The following LONP1 variants were observed in gnomAD, a reference collection of about 807,000 sequenced individuals.
LONP1 encodes lon peptidase 1, mitochondrial.
Under a neutral mutation model 98.5 loss-of-function variants are expected in LONP1, and 31 were observed. The observed-to-expected ratio is 0.31, with a 90% CI of 0.24 to 0.42. LONP1 has a LOEUF of 0.42. Ranked by LOEUF, LONP1 falls within the 20% of genes least tolerant of loss-of-function variation. The probability of loss-of-function intolerance (pLI) is 1.00; values close to 1 mark genes in which losing one functional copy is unlikely to be tolerated. For synonymous variants in LONP1, 781 were observed against 594.7 expected (o/e 1.31, Z -4.56); for missense variants, 1,336 against 1,350.6 (o/e 0.99, Z 0.17).
At chr19:5,713,035 G>A (rs1335533118) in intron 3 of LONP1, 99 bp downstream of exon 3, 38 of 1,542,962 alleles carry the variant, frequency 2.5e-5, no homozygotes, top group Admixed American at 3.4e-5. Flanking sequence ...CTGGGCTGAC[G>A]GACAGGGCAG....
chr19:5,707,049 C>T lies in LONP1; in HGVS notation c.1146+11G>A, dbSNP rs1194361832. ...CCCCCAAGAGTGGCTGCGCCTCAGCCGCGGGCTCACCTCCCGCCCCAGGCG... is the reference window on the plus strand; with the variant it reads ...CCCCCAAGAGTGGCTGCGCCTCAGCTGCGGGCTCACCTCCCGCCCCAGGCG... On this transcript the variant is annotated intron_variant, in intron 7 of 17. Coordinates refer to ENST00000360614, the MANE Select transcript of LONP1 (RefSeq NM_004793.4). 6.8e-6 allele frequency: 11 copies of T among 1,607,120 alleles called. No homozygotes were observed. Among genetic ancestry groups the T allele is most frequent in the African/African-American group, 2.7e-5 (2 of 74,896 alleles).
At chr19:5,718,619 G>A (rs1004553321) in intron 1 of LONP1, among the ~76,000 whole-genome samples, 2 of 151,858 alleles carry the variant, frequency 1.3e-5, no homozygotes, top group African/African-American at 2.4e-5. Context: ...GAGAGTGAGC[G>A]CAGAGGCTGA....
chr19:5,694,638 C>CGGGCGCGGGGTGGCGGGGTGAT, intron 14 of LONP1, 86 bp from the exon 15 acceptor site: 1 of 1,522,928 alleles, frequency 6.6e-7, no homozygotes, highest in Non-Finnish European at 9.0e-7. Flanking sequence ...AAAGGTGTGA[C>CGGGCGCGGGGTGGCGGGGTGAT]GGGCGCGGGG....
intron 11 of LONP1, 107 bp downstream of exon 11, chr19:5,696,563 G>A (rs1226013115): frequency 4.6e-6 from 6 of 1,317,030 alleles, no homozygotes; most frequent in Non-Finnish European, 6.3e-6. Context: ...CAGCATCACG[G>A]CGATGGCCCC....
chr19:5,701,864 G>A (rs1218486218), intron 8 of LONP1, among the ~76,000 whole-genome samples: 2 of 151,182 alleles, frequency 1.3e-5, no homozygotes, highest in African/African-American at 2.4e-5. Flanking sequence ...CTGCCCGGCC[G>A]CCCATCATCT....
rs768946125 is a variant in LONP1, at chr19:5,693,365, A to G, written c.2636T>C (p.Met879Thr). Reference protein sequence around the residue: ...MGRPVRQNLAMTGEVSLTGKI... With the variant: ...MGRPVRQNLATTGEVSLTGKI... ...GCCCGTGAGGGAGACTTCGCCAGTCATGGCCAGATTCTGCCGGACAGGCCT... is the reference window on the plus strand; with the variant it reads ...GCCCGTGAGGGAGACTTCGCCAGTCGTGGCCAGATTCTGCCGGACAGGCCT... Residue 879 changes from methionine (M) to threonine (T), a missense_variant, in exon 17 of 18, where the codon ATG (methionine) becomes ACG (threonine). Physicochemically the swap from Met to Thr is moderately conservative, Grantham distance 81. Coordinates refer to ENST00000360614, the MANE Select transcript of LONP1 (RefSeq NM_004793.4). 10 of 1,613,498 alleles carry G rather than the reference A, an allele frequency of 6.2e-6. No individual in the cohort carries two copies. The highest frequency in any genetic ancestry group is 5.0e-5 in the Admixed American group (3 of 60,022).
At chr19:5,694,323 G>A (rs909513664) in intron 15 of LONP1, 64 bp downstream of exon 15, 66 of 1,591,706 alleles carry the variant, frequency 4.1e-5, no homozygotes, top group Non-Finnish European at 5.1e-5. Context: ...TACAAGGTGG[G>A]ACCTGCTTGT....
Position 5,696,237 on chromosome 19 carries a change from C to T in LONP1, c.1896+12G>A, listed in dbSNP as rs191275320. ...CTCCCCAGCAAGCCCAGGCCCCAGA[C>T]AGGCCCCCCACCTTGGACAAGTCCA... is the stretch of plus-strand genomic sequence containing the variant. On this transcript the variant is annotated intron_variant, in intron 12 of 17. Transcript: ENST00000360614. 1.2e-6 allele frequency: 2 copies of T among 1,613,012 alleles called. No individual in the cohort carries two copies. The highest frequency in any genetic ancestry group is 1.7e-6 in the Non-Finnish European group (2 of 1,179,764).
chr19:5,709,983 G>C (rs563808990), intron 4 of LONP1, among the ~76,000 whole-genome samples: 1 of 148,526 alleles, frequency 6.7e-6, no homozygotes, highest in African/African-American at 2.5e-5. Flanking sequence ...AATCACATTT[G>C]TAAGTTTGGT....
chr19:5,718,043 A>T (rs80224679), intron 1 of LONP1, among the ~76,000 whole-genome samples: 4,213 of 152,054 alleles, frequency 0.028, 87 homozygotes, highest in African/African-American at 0.057. Flanking sequence ...CAACAACTCT[A>T]ATAAGACACT....
chr19:5,709,806 G>A (rs944567646), intron 4 of LONP1, among the ~76,000 whole-genome samples: 24 of 150,748 alleles, frequency 1.6e-4, no homozygotes, highest in African/African-American at 5.9e-4. Context: ...CAGCTACTGG[G>A]GAGGCTGAGG....
chr19:5,697,591 GGAGAGA>G (rs1332888572), intron 10 of LONP1, among the ~76,000 whole-genome samples: 2 of 133,916 alleles, frequency 1.5e-5, no homozygotes, highest in African/African-American at 6.0e-5. Context: ...AAGAAGAGAG[GGAGAGA>G]GAGGAGGGGG....
chr19:5,701,049 C>T, intron 8 of LONP1, 122 bp from the exon 9 acceptor site: 2 of 1,104,116 alleles, frequency 1.8e-6, no homozygotes, highest in African/African-American at 3.1e-5. Context: ...CGCGGTGGCT[C>T]ACGCCTGTAA....
intron 1 of LONP1, among the ~76,000 whole-genome samples, chr19:5,716,880 GC>G (rs1167798309): frequency 6.6e-6 from 1 of 152,052 alleles, no homozygotes; most frequent in Non-Finnish European, 1.5e-5. Context: ...TGCAAGCTCC[GC>G]CTCCTGGGTT....
At position 5,693,279 on chromosome 19, in the gene LONP1, T is replaced by A; in HGVS notation, c.2703+19A>T. 1 of 1,589,534 alleles carries A rather than the reference T, an allele frequency of 6.3e-7. No homozygotes were observed. The highest frequency in any genetic ancestry group is 8.6e-7 in the Non-Finnish European group (1 of 1,162,326). On this transcript the variant is annotated intron_variant, in intron 17 of 17. Transcript: ENST00000360614. ...TGTGGGCCCTGCCAGTGCTGTGGGG[T>A]GGGTACAGGGACACTCACCGCAATG...
intron 8 of LONP1, among the ~76,000 whole-genome samples, chr19:5,703,195 A>C (rs2055087957): frequency 6.6e-6 from 1 of 151,684 alleles, no homozygotes; most frequent in Admixed American, 6.6e-5. Flanking sequence ...AAAAAAAAAA[A>C]AAAAAATTTA....
chr19:5,696,503 C>T, intron 11 of LONP1, 132 bp from the exon 12 acceptor site: 2 of 1,371,122 alleles, frequency 1.5e-6, no homozygotes, highest in Non-Finnish European at 1.0e-6. Flanking sequence ...GGACGGGCAG[C>T]CTGCTGGGCG....
intron 4 of LONP1, chr19:5,708,634 C>A: frequency 1.9e-6 from 1 of 537,560 alleles, no homozygotes; most frequent in East Asian, 2.9e-5. Context: ...CAAACCCTGT[C>A]TCCTTACCCC....
chr19:5,716,295 T>TATATATATATATATAC, intron 1 of LONP1, among the ~76,000 whole-genome samples: 1 of 118,014 alleles, frequency 8.5e-6, no homozygotes, highest in Non-Finnish European at 1.8e-5. Flanking sequence ...TATATATATA[T>TATATATATATATATAC]ATATAGTAAT....
Sources: allele counts gnomAD v4.1 joint callset (sites outside exome capture counted in the v4.1 genomes callset), GRCh38; gene constraint gnomAD v4.1.1; transcripts MANE v1.5; gene names NCBI Gene and HGNC (gene_info 2026-07-23, HGNC 2026-07-21).